Variants in FBXL17 observed in about 807,000 individuals in gnomAD.
The protein encoded by FBXL17 is F-box/LRR-repeat protein 17.
FBXL17 carries 22 observed loss-of-function variants against 66.2 expected under a neutral mutation model. The observed-to-expected ratio is 0.33, with a 90% CI of 0.24 to 0.47. FBXL17 has a LOEUF of 0.47. FBXL17 is among the 20% of genes least tolerant of loss of function. The pLI is 1.00. For missense variants in FBXL17, 878 were observed against 948.2 expected, an observed-to-expected ratio of 0.93 and a Z score of 0.97; for synonymous variants, 474 against 400.5, an observed-to-expected ratio of 1.18 and a Z score of -2.19.
At chr5:107,922,815 C>G (rs531736018) in intron 7 of FBXL17, among the ~76,000 whole-genome samples, 2 of 152,276 alleles carry the variant, frequency 1.3e-5, no homozygotes, top group East Asian at 3.9e-4. Context: ...CTGCCACCTT[C>G]AAAGAAACAG....
At chr5:107,958,444 A>G (rs1412320909) in intron 7 of FBXL17, among the ~76,000 whole-genome samples, 2 of 152,204 alleles carry the variant, frequency 1.3e-5, no homozygotes, top group African/African-American at 2.4e-5. Flanking sequence ...TTGAGAATCA[A>G]CATCTCATAT....
intron 4 of FBXL17, among the ~76,000 whole-genome samples, chr5:108,266,606 C>T (rs1016107760): frequency 6.6e-5 from 10 of 152,028 alleles, no homozygotes; most frequent in African/African-American, 1.9e-4. Flanking sequence ...TAAGCCATAA[C>T]GTGCTTCCTT....
intron 6 of FBXL17, among the ~76,000 whole-genome samples, chr5:108,150,805 G>C (rs139387978): frequency 5.5e-4 from 84 of 152,302 alleles, no homozygotes; most frequent in Middle Eastern, 6.8e-3. Flanking sequence ...ATTATTGGTG[G>C]TGATATCTGA....
chr5:107,980,645 A>AATATATATATATATATATAT lies in FBXL17; in HGVS notation c.1822+40260_1822+40279dup, dbSNP rs61438456. On this transcript the variant is annotated intron_variant, in intron 7 of 8. Coordinates refer to ENST00000542267, the MANE Select transcript of FBXL17 (RefSeq NM_001163315.3). ...AGCCACCATGACTGGCCAATAAAAT[A>AATATATATATATATATATAT]ATATATATATATATATATATTTTTT... Among the ~76,000 whole-genome samples the AATATATATATATATATATAT allele has an allele frequency of 1.7e-3, 138 of 78,890 alleles. 2 individuals are homozygous for AATATATATATATATATATAT. The highest frequency in any genetic ancestry group is 4.1e-3 in the South Asian group (9 of 2,184). 51.8% of individuals were successfully genotyped at this position (78,890 alleles called of 152,430 possible).
intron 7 of FBXL17, among the ~76,000 whole-genome samples, chr5:107,931,883 C>T (rs149285509): frequency 1.2e-4 from 19 of 152,264 alleles, no homozygotes; most frequent in Admixed American, 1.2e-3. Flanking sequence ...TCATGTCTGT[C>T]TTCTTGACAT....
intron 7 of FBXL17, among the ~76,000 whole-genome samples, chr5:107,959,381 A>AAC (rs57041975): frequency 0.041 from 6,103 of 147,872 alleles, 231 homozygotes; most frequent in African/African-American, 0.1. Flanking sequence ...GGCTGCTATA[A>AAC]ACACACACAC....
Position 108,169,361 on chromosome 5 carries a change from T to C in FBXL17, c.1745+16756A>G, listed in dbSNP as rs1026248705. Among the ~76,000 whole-genome samples the C allele has an allele frequency of 4.6e-5, 7 of 152,232 alleles. 1 individual carries two copies. Among genetic ancestry groups the C allele is most frequent in the African/African-American group, 7.2e-5 (3 of 41,466 alleles). On this transcript the variant is annotated intron_variant, in intron 6 of 8. Transcript: ENST00000542267. Reference sequence around the variant, plus strand: ...TAAGTAATATCTATTTCCTCAAAGATAGTCATTCCATAAATGTCTATACAT... The same window carrying C: ...TAAGTAATATCTATTTCCTCAAAGACAGTCATTCCATAAATGTCTATACAT...
intron 4 of FBXL17, among the ~76,000 whole-genome samples, chr5:108,264,279 G>A (rs1478367517): frequency 2.7e-5 from 4 of 146,360 alleles, no homozygotes; most frequent in Non-Finnish European, 6.0e-5. Context: ...GAAATCATTT[G>A]GTCCTAACTG....
rs201906488 is a variant in FBXL17, at chr5:107,931,256, A to AATTT, written c.1823-50081_1823-50078dup. ...TTTTATTGCTGTTCATGTTAAAGAG[A>AATTT]ATTTTTTTTTTTTTTTTTTTGAGAC... On this transcript the variant is annotated intron_variant, in intron 7 of 8. Transcript: ENST00000542267. Among the ~76,000 whole-genome samples the AATTT allele has an allele frequency of 5.5e-4, 44 of 80,214 alleles. 2 individuals carry two copies. The highest frequency in any genetic ancestry group is 9.6e-4 in the Non-Finnish European group (34 of 35,558). The allele number at this position is 80,214 out of a possible 152,430, so 52.6% of individuals were successfully genotyped here. A position where few individuals can be genotyped will look rare whatever the true frequency, so the allele number is the denominator to read the frequency against.
intron 4 of FBXL17, among the ~76,000 whole-genome samples, chr5:108,230,894 A>G (rs773284992): frequency 2.0e-5 from 3 of 152,118 alleles, no homozygotes; most frequent in Non-Finnish European, 4.4e-5. Flanking sequence ...ACTATTAACG[A>G]ACTTACAAAT....
chr5:107,865,733 G>A (rs566086195), intron 8 of FBXL17, among the ~76,000 whole-genome samples: 3 of 152,294 alleles, frequency 2.0e-5, no homozygotes, highest in South Asian at 2.1e-4. Context: ...GCTCTGTTGC[G>A]TAGAAGTTAT....
At chr5:108,156,558 T>G (rs1290598771) in intron 6 of FBXL17, among the ~76,000 whole-genome samples, 2 of 151,948 alleles carry the variant, frequency 1.3e-5, no homozygotes, top group Admixed American at 1.3e-4. Flanking sequence ...TATCAAAGTT[T>G]GTGGAAATTT....
intron 4 of FBXL17, among the ~76,000 whole-genome samples, chr5:108,332,369 A>C (rs1262617393): frequency 2.0e-5 from 3 of 152,196 alleles, no homozygotes; most frequent in African/African-American, 7.2e-5. Flanking sequence ...TGAAAAAAAT[A>C]ATTTATATTT....
intron 7 of FBXL17, among the ~76,000 whole-genome samples, chr5:107,968,939 C>G (rs1752256629): frequency 6.6e-6 from 1 of 151,862 alleles, no homozygotes; most frequent in African/African-American, 2.4e-5. Context: ...GATGACCCCC[C>G]AAAAAAACCC....
chr5:108,239,680 C>T (rs922996339), intron 4 of FBXL17, among the ~76,000 whole-genome samples: 1 of 152,042 alleles, frequency 6.6e-6, no homozygotes, highest in Non-Finnish European at 1.5e-5. Flanking sequence ...TCACAGCCAG[C>T]GAAACTGAAG....
intron 6 of FBXL17, among the ~76,000 whole-genome samples, chr5:108,021,568 G>A (rs551439093): frequency 1.6e-4 from 24 of 151,494 alleles, no homozygotes; most frequent in African/African-American, 5.6e-4. Flanking sequence ...AATATTGTAA[G>A]TAATTTGTTG....
At chr5:108,060,623 A>C (rs571911192) in intron 6 of FBXL17, among the ~76,000 whole-genome samples, 1 of 152,236 alleles carries the variant, frequency 6.6e-6, no homozygotes, top group Admixed American at 6.5e-5. Flanking sequence ...ATCCTAGAAA[A>C]TCAACAACTT....
chr5:108,038,675 A>T (rs1371456444), intron 6 of FBXL17, among the ~76,000 whole-genome samples: 2 of 152,088 alleles, frequency 1.3e-5, no homozygotes. Flanking sequence ...CAAAAGAGAG[A>T]TAATTATTTC....
chr5:108,251,010 TTTG>T (rs1756325779), intron 4 of FBXL17, among the ~76,000 whole-genome samples: 1 of 142,178 alleles, frequency 7.0e-6, no homozygotes, highest in African/African-American at 2.8e-5. Context: ...ATTGCCTATT[TTTG>T]TTATTTGTTT....
Sources: allele counts gnomAD v4.1 joint callset (sites outside exome capture counted in the v4.1 genomes callset), GRCh38; gene constraint gnomAD v4.1.1; transcripts MANE v1.5; gene names NCBI Gene and HGNC (gene_info 2026-07-23, HGNC 2026-07-21).